The following ZYG11B variants were observed in gnomAD, a reference collection of about 807,000 sequenced individuals.
ZYG11B encodes the protein protein zyg-11 homolog B.
Under a neutral mutation model 82.4 loss-of-function variants are expected in ZYG11B, and 36 were observed. The ratio of observed to expected loss-of-function variants is 0.44; its 90% CI spans 0.33 to 0.58. ZYG11B has a LOEUF of 0.58. ZYG11B is among the 20% of genes least tolerant of loss of function. ZYG11B has a pLI of 0.02. For missense variants in ZYG11B, 552 were observed against 895.6 expected (o/e 0.62, Z 4.90); for synonymous variants, 303 against 312.8 (o/e 0.97, Z 0.33).
intron 1 of ZYG11B, among the ~76,000 whole-genome samples, chr1:52,735,793 C>T (rs1041636530): frequency 6.6e-6 from 1 of 152,158 alleles, no homozygotes; most frequent in African/African-American, 2.4e-5. Context: ...CTGCCTTGGT[C>T]TTCCTACTCA....
At chr1:52,781,937 T>G (rs981884417) in intron 4 of ZYG11B, among the ~76,000 whole-genome samples, 36 of 152,158 alleles carry the variant, frequency 2.4e-4, no homozygotes, top group African/African-American at 8.5e-4. Flanking sequence ...TGTCTTTTTT[T>G]TTTTGTTTTG....
chr1:52,825,919 A>G lies in ZYG11B; in HGVS notation c.*4290A>G, dbSNP rs1199051235. ...ATGTGCTAAATTAGGTTAATTTACC[A>G]GAGATTTAGCTTAGTGTTTTTAAAC... On this transcript the variant is annotated 3_prime_UTR_variant, in exon 14 of 14. Transcript: ENST00000294353. 6.6e-6 allele frequency: 1 copy of G among 152,198 alleles called. No homozygotes were observed. Among genetic ancestry groups the G allele is most frequent in the Admixed American group, 6.6e-5 (1 of 15,264 alleles). 9.4% of individuals were successfully genotyped at this position (152,198 alleles called of 1,614,324 possible). A position where few individuals can be genotyped will look rare whatever the true frequency, so the allele number is the denominator to read the frequency against.
At chr1:52,751,940 G>A (rs1644528459) in intron 1 of ZYG11B, among the ~76,000 whole-genome samples, 1 of 150,918 alleles carries the variant, frequency 6.6e-6, no homozygotes, top group South Asian at 2.1e-4. Context: ...TCTCAACACA[G>A]AACACTTCTG....
Position 52,817,911 on chromosome 1 carries a change from C to T in ZYG11B, c.2044+1282C>T, listed in dbSNP as rs1184385789. Among the ~76,000 whole-genome samples, 3 of 139,184 alleles carry T rather than the reference C, an allele frequency of 2.2e-5. No homozygotes were observed. In the East Asian group the frequency reaches 6.4e-4, roughly 30 times the overall value. 91.3% of individuals were successfully genotyped at this position (139,184 alleles called of 152,430 possible). ...GGAGTGCAGTGGTGCGATCTCGGCT[C>T]ACCACACCCTCCACCTCCCAGGTTC... On this transcript the variant is annotated intron_variant, in intron 13 of 13. Transcript: ENST00000294353.
At chr1:52,815,529 A>C (rs1392303314) in intron 12 of ZYG11B, among the ~76,000 whole-genome samples, 1 of 152,112 alleles carries the variant, frequency 6.6e-6, no homozygotes, top group Non-Finnish European at 1.5e-5. Context: ...CTAAGGTGGG[A>C]GAATCGCTTG....
Position 52,776,364 on chromosome 1 carries a change from C to A in ZYG11B, c.952-3489C>A, listed in dbSNP as rs542145402. 1.7e-3 allele frequency among the ~76,000 whole-genome samples: 246 copies of A among 148,138 alleles called. 1 individual carries two copies. Among genetic ancestry groups the A allele is most frequent in the South Asian group, 2.8e-3 (13 of 4,654 alleles). On this transcript the variant is annotated intron_variant, in intron 3 of 13. Coordinates refer to ENST00000294353, the MANE Select transcript of ZYG11B (RefSeq NM_024646.3). ...TAGCCAACATGATGAAACCTTGCCT[C>A]TACTAAAAATACAAAAAAATTTAGC...
At chr1:52,776,074 C>T (rs1644802620) in intron 3 of ZYG11B, among the ~76,000 whole-genome samples, 1 of 150,566 alleles carries the variant, frequency 6.6e-6, no homozygotes, top group Non-Finnish European at 1.5e-5. Context: ...AAAAAATTAG[C>T]CGGGCGTGGT....
intron 3 of ZYG11B, among the ~76,000 whole-genome samples, chr1:52,775,932 A>G (rs1644801439): frequency 6.6e-6 from 1 of 151,276 alleles, no homozygotes; most frequent in Non-Finnish European, 1.5e-5. Context: ...CATAGAGGCA[A>G]TGTCTGGATG....
At chr1:52,733,855 T>G (rs1382191182) in intron 1 of ZYG11B, among the ~76,000 whole-genome samples, 1 of 152,228 alleles carries the variant, frequency 6.6e-6, no homozygotes, top group Non-Finnish European at 1.5e-5. Context: ...TCATGAGCCA[T>G]TCTCCTAATT....
In ZYG11B at chr1:52,783,788, T is replaced by TTATA. The variant is rs760749281; in HGVS notation, c.1093-1074_1093-1071dup. On this transcript the variant is annotated intron_variant, in intron 4 of 13. Transcript: ENST00000294353. ...TAGGCGTGTACTACCATGCCCAGCT[T>TTATA]TATATATATATATATATACACACAC... Among the ~76,000 whole-genome samples, 212 of 51,464 alleles carry TTATA rather than the reference T, an allele frequency of 4.1e-3. 2 individuals carry two copies. The East Asian group carries it at 0.054, about 13-fold the overall frequency. The allele number at this position is 51,464 out of a possible 152,430, so 33.8% of individuals were successfully genotyped here. A position where few individuals can be genotyped will look rare whatever the true frequency, so the allele number is the denominator to read the frequency against.
At chr1:52,819,604 G>C (rs954613468) in intron 13 of ZYG11B, among the ~76,000 whole-genome samples, 3 of 151,816 alleles carry the variant, frequency 2.0e-5, no homozygotes, top group African/African-American at 7.3e-5. Flanking sequence ...TGGCTAACAT[G>C]GTGAAACCCC....
chr1:52,789,899 T>G, intron 5 of ZYG11B, 104 bp from the exon 6 acceptor site: 1 of 753,550 alleles, frequency 1.3e-6, no homozygotes, highest in Non-Finnish European at 2.0e-6. Flanking sequence ...ATAACTGGTG[T>G]TTCATCAGTC....
intron 10 of ZYG11B, among the ~76,000 whole-genome samples, chr1:52,806,305 T>G (rs990581472): frequency 1.3e-5 from 2 of 152,130 alleles, no homozygotes; most frequent in African/African-American, 2.4e-5. Context: ...CTTGATTAAT[T>G]AACACTAATT....
At chr1:52,797,354 A>G (rs1233594576) in intron 8 of ZYG11B, among the ~76,000 whole-genome samples, 1 of 52,432 alleles carries the variant, frequency 1.9e-5, no homozygotes, top group Non-Finnish European at 2.6e-5. Flanking sequence ...TATATATTAT[A>G]TATAATACAT....
intron 3 of ZYG11B, among the ~76,000 whole-genome samples, chr1:52,774,408 G>T (rs1390772462): frequency 1.3e-5 from 2 of 149,150 alleles, no homozygotes; most frequent in African/African-American, 5.0e-5. Flanking sequence ...CCCAGGTTTT[G>T]ACGAATTTCC....
At chr1:52,817,816 T>TATA (rs1160186535) in intron 13 of ZYG11B, among the ~76,000 whole-genome samples, 6 of 8,120 alleles carry the variant, frequency 7.4e-4, no homozygotes, top group Non-Finnish European at 9.5e-4. Flanking sequence ...TATATATATA[T>TATA]TTTTTTTTTT....
chr1:52,789,700 C>G (rs1459466042), intron 5 of ZYG11B, among the ~76,000 whole-genome samples: 1 of 152,024 alleles, frequency 6.6e-6, no homozygotes, highest in African/African-American at 2.4e-5. Flanking sequence ...TTGTCATGCT[C>G]TCTATCTCAA....
chr1:52,744,395 G>C (rs1290493013), intron 1 of ZYG11B, among the ~76,000 whole-genome samples: 2 of 152,240 alleles, frequency 1.3e-5, no homozygotes, highest in South Asian at 4.1e-4. Flanking sequence ...ACATTTCTCA[G>C]AATATATTCC....
chr1:52,791,535 A>G (rs930862350), intron 6 of ZYG11B, among the ~76,000 whole-genome samples: 1 of 151,090 alleles, frequency 6.6e-6, no homozygotes, highest in Non-Finnish European at 1.5e-5. Context: ...TACCCGGCTA[A>G]TTTTTGTATT....
Sources: gnomAD v4.1 joint callset for allele counts (sites outside exome capture counted in the v4.1 genomes callset) on GRCh38, gnomAD v4.1.1 for gene constraint, MANE v1.5 for transcripts, NCBI Gene and HGNC (gene_info 2026-07-23, HGNC 2026-07-21) for gene names.